CALCR: variants seen among roughly 807,000 people sequenced by gnomAD.
CALCR encodes the protein calcitonin receptor.
A neutral mutation model predicts 59.5 loss-of-function variants in CALCR; 47 were observed. The observed-to-expected ratio is 0.79, with a 90% CI of 0.63 to 1.01. The LOEUF is 1.01. CALCR is among the 50% of genes least tolerant of loss of function. The pLI, the probability that CALCR is intolerant of heterozygous loss-of-function variation, is 0.00. For missense variants in CALCR, 566 were observed against 597.1 expected, an observed-to-expected ratio of 0.95 and a Z score of 0.54; for synonymous variants, 213 against 211.3, an observed-to-expected ratio of 1.01 and a Z score of -0.07.
chr7:93,498,627 T>C (rs1036022055), intron 2 of CALCR, among the ~76,000 whole-genome samples: 1 of 151,654 alleles, frequency 6.6e-6, no homozygotes, highest in Non-Finnish European at 1.5e-5. Flanking sequence ...AACTTCGATA[T>C]GTGAGAGATT....
chr7:93,449,253 G>T (rs1224523859), intron 8 of CALCR, among the ~76,000 whole-genome samples: 1 of 151,990 alleles, frequency 6.6e-6, no homozygotes, highest in Admixed American at 6.6e-5. Context: ...ACAGAGGGAA[G>T]AGTGTGAAGT....
At chr7:93,485,174 A>G (rs1156487689) in intron 3 of CALCR, among the ~76,000 whole-genome samples, 2 of 151,716 alleles carry the variant, frequency 1.3e-5, no homozygotes, top group Non-Finnish European at 3.0e-5. Context: ...AATCAAATAT[A>G]TAATCCAAAT....
chr7:93,572,493 G>A (rs2116299126), intron 2 of CALCR, among the ~76,000 whole-genome samples: 1 of 152,274 alleles, frequency 6.6e-6, no homozygotes, highest in East Asian at 1.9e-4. Context: ...TGCAGCCCGA[G>A]TTGAGAATAC....
At chr7:93,554,445 G>A (rs573650895) in intron 2 of CALCR, among the ~76,000 whole-genome samples, 2 of 152,120 alleles carry the variant, frequency 1.3e-5, no homozygotes, top group East Asian at 1.9e-4. Flanking sequence ...GAAGATAGAA[G>A]CTAGACAGTA....
chr7:93,538,445 G>A (rs1288544759), intron 2 of CALCR, among the ~76,000 whole-genome samples: 2 of 151,854 alleles, frequency 1.3e-5, no homozygotes, highest in Non-Finnish European at 2.9e-5. Flanking sequence ...CTTATTTTTA[G>A]TTTTTGGAAT....
chr7:93,529,339 C>G (rs1217833038), intron 2 of CALCR, among the ~76,000 whole-genome samples: 1 of 152,152 alleles, frequency 6.6e-6, no homozygotes, highest in Non-Finnish European at 1.5e-5. Flanking sequence ...ACCCCCTTTG[C>G]CTTCTGCCAT....
At position 93,445,358 on chromosome 7, in the gene CALCR, T is replaced by G. The variant is rs549724636; in HGVS notation, c.649-1601A>C. 3.9e-5 allele frequency among the ~76,000 whole-genome samples: 6 copies of G among 152,228 alleles called. No individual in the cohort carries two copies. The South Asian group carries it at 1.2e-3, about 32-fold the overall frequency. On this transcript the variant is annotated intron_variant, in intron 8 of 13. Transcript: ENST00000426151. ...TCTGGATTCATTTGGAAGGCTATTC[T>G]TATTTAAAAGCCCTATTCTTTCTGG...
chr7:93,488,677 T>G (rs1310102756), intron 2 of CALCR, among the ~76,000 whole-genome samples: 1 of 150,128 alleles, frequency 6.7e-6, no homozygotes, highest in African/African-American at 2.4e-5. Flanking sequence ...AAGAAGGCCT[T>G]GCATGATGGT....
At chr7:93,554,022 T>A (rs1388634788) in intron 2 of CALCR, among the ~76,000 whole-genome samples, 1 of 152,340 alleles carries the variant, frequency 6.6e-6, no homozygotes, top group East Asian at 1.9e-4. Flanking sequence ...TCTGCTTTTG[T>A]TAGTTTGTTT....
At chr7:93,448,266 T>G (rs1323932457) in intron 8 of CALCR, among the ~76,000 whole-genome samples, 1 of 152,034 alleles carries the variant, frequency 6.6e-6, no homozygotes, top group Non-Finnish European at 1.5e-5. Context: ...GCTTCTGTGT[T>G]GATTTCATAT....
At chr7:93,460,566 A>AT (rs1399357588) in intron 8 of CALCR, among the ~76,000 whole-genome samples, 22 of 82,246 alleles carry the variant, frequency 2.7e-4, no homozygotes, top group Middle Eastern at 5.2e-3. Flanking sequence ...AAAAAAAAAA[A>AT]AAAAAAATAT....
chr7:93,508,449 T>C (rs530214068), intron 2 of CALCR, among the ~76,000 whole-genome samples: 1 of 152,304 alleles, frequency 6.6e-6, no homozygotes, highest in East Asian at 1.9e-4. Flanking sequence ...AATCAAACTA[T>C]TAAATAGAAT....
At chr7:93,473,121 G>A (rs73221727) in intron 5 of CALCR, among the ~76,000 whole-genome samples, 14,056 of 151,708 alleles carry the variant, frequency 0.093, 864 homozygotes, top group Non-Finnish European at 0.14. Context: ...AGGGATCCAG[G>A]CTTCAGCCTT....
intron 2 of CALCR, among the ~76,000 whole-genome samples, chr7:93,543,150 T>C (rs1299198133): frequency 2.0e-5 from 3 of 152,174 alleles, no homozygotes; most frequent in African/African-American, 7.2e-5. Flanking sequence ...TCTGGGGCTA[T>C]AGTTATAGTT....
intron 3 of CALCR, among the ~76,000 whole-genome samples, chr7:93,483,043 G>A (rs1800835468): frequency 6.6e-6 from 1 of 151,614 alleles, no homozygotes. Flanking sequence ...TATACTCAGG[G>A]GATTGGTTGC....
chr7:93,438,342 T>C, intron 9 of CALCR, 72 bp from the exon 10 acceptor site: 1 of 1,139,238 alleles, frequency 8.8e-7, no homozygotes, highest in Non-Finnish European at 1.3e-6. Context: ...GCATGGACAA[T>C]GGTAGTGTAC....
In CALCR at chr7:93,467,569, T is replaced by C. The variant is rs191878870; in HGVS notation, c.521+1146A>G. 1.6e-3 allele frequency among the ~76,000 whole-genome samples: 250 copies of C among 151,836 alleles called. 2 individuals are homozygous for C. Among genetic ancestry groups the C allele is most frequent in the Admixed American group, 2.4e-3 (37 of 15,186 alleles). On this transcript the variant is annotated intron_variant, in intron 7 of 13. Transcript: ENST00000426151. ...TTAAGATTCTACTATGTTTTAAATT[T>C]ATTTTTTGCGGTAAAGTATAGATGT...
chr7:93,468,930 T>C (rs1311161900), intron 6 of CALCR, 124 bp from the exon 7 acceptor site: 1 of 475,170 alleles, frequency 2.1e-6, no homozygotes, highest in East Asian at 3.4e-5. Context: ...CCTACTACAA[T>C]TATAACAAAT....
chr7:93,551,434 A>G (rs1038797137), intron 2 of CALCR, among the ~76,000 whole-genome samples: 4 of 152,182 alleles, frequency 2.6e-5, no homozygotes, highest in African/African-American at 9.7e-5. Flanking sequence ...TGATTACATG[A>G]TTCACATGCT....
Sources: allele counts gnomAD v4.1 joint callset (sites outside exome capture counted in the v4.1 genomes callset), GRCh38; gene constraint gnomAD v4.1.1; transcripts MANE v1.5; gene names NCBI Gene and HGNC (gene_info 2026-07-23, HGNC 2026-07-21).